Variants in SH2B2 observed in about 807,000 individuals in gnomAD.
SH2B2 encodes the protein SH2B adapter protein 2.
Under a neutral mutation model 35.7 loss-of-function variants are expected in SH2B2, and 37 were observed. The ratio of observed to expected loss-of-function variants is 1.04; its 90% CI spans 0.80 to 1.36. The LOEUF (loss-of-function observed/expected upper bound fraction) is 1.36, where lower values mean the gene tolerates loss of function less well. Ranked by LOEUF, SH2B2 falls within the 40% of genes most tolerant of loss-of-function variation. SH2B2 has a pLI of 0.00. For synonymous variants in SH2B2, 383 were observed against 376.4 expected (o/e 1.02, Z -0.20); for missense variants, 852 against 817.7 (o/e 1.04, Z -0.51).
chr7:102,294,642 C>T lies in SH2B2; in HGVS notation c.-29-5880C>T, dbSNP rs75236306. Among the ~76,000 whole-genome samples the T allele has an allele frequency of 1.1e-3, 164 of 152,230 alleles. 5 individuals are homozygous for T. In the East Asian group the frequency reaches 0.031, roughly 29 times the overall value. On this transcript the variant is annotated intron_variant, in intron 1 of 8. Transcript: ENST00000444095. ...AAGCTCCCTACATGGGGTCTCCTCC[C>T]CAGTTCTGGTCCCAAAGATGGGTGG... is the stretch of plus-strand genomic sequence containing the variant.
At chr7:102,305,649 A>G (rs1302788687) in intron 2 of SH2B2, among the ~76,000 whole-genome samples, 1 of 152,154 alleles carries the variant, frequency 6.6e-6, no homozygotes, top group Non-Finnish European at 1.5e-5. Context: ...TTGTCTGGTG[A>G]GATGTTTGTT....
upstream of SH2B2, among the ~76,000 whole-genome samples, chr7:102,286,443 G>C (rs1280332659): frequency 6.6e-6 from 1 of 152,168 alleles, no homozygotes; most frequent in Non-Finnish European, 1.5e-5. Context: ...GAGGGCGTCC[G>C]CGTCCCATAC....
At chr7:102,299,197 C>CTTTTTTTGTTTTTTTTTTTT (rs1793047832) in intron 1 of SH2B2, among the ~76,000 whole-genome samples, 1 of 24,630 alleles carries the variant, frequency 4.1e-5, no homozygotes, top group African/African-American at 2.0e-4. Context: ...CCGCGCCTGG[C>CTTTTTTTGTTTTTTTTTTTT]TTTTTTTTTT....
In SH2B2 at chr7:102,320,457, G is replaced by A. The variant is rs782780653; in HGVS notation, c.1522G>A (p.Asp508Asn). The change falls in exon 8 of 9, where the codon GAC becomes AAC. Residue 508 changes from aspartate (D) to asparagine (N), a missense_variant. By Grantham distance (23) the Asp-to-Asn change is conservative (BLOSUM62 1). Coordinates refer to ENST00000444095, the MANE Select transcript of SH2B2 (RefSeq NM_001359228.2). ...CCCACTGGAGTCAGGGGGCTCGGCC[G>A]ACATCACCCTTCGCAGCTATGTGCG... ...PIPLESGGSA[D>N]ITLRSYVRAQ... The A allele has an allele frequency of 1.1e-5, 17 of 1,613,532 alleles. No individual in the cohort carries two copies. The highest frequency in any genetic ancestry group is 5.5e-5 in the South Asian group (5 of 91,082).
chr7:102,303,217 C>CA (rs549676263), intron 2 of SH2B2, among the ~76,000 whole-genome samples: 3,805 of 133,348 alleles, frequency 0.029, 133 homozygotes, highest in African/African-American at 0.091. Flanking sequence ...AACTCTGTCT[C>CA]AAAAAAAAAA....
intron 1 of SH2B2, chr7:102,293,290 CCTA>C (rs3215392): frequency 0.16 from 24,141 of 148,082 alleles, 2,440 homozygotes; most frequent in East Asian, 0.27. Context: ...GCCGGCTGGA[CCTA>C]CTGTCTAGCC....
At chr7:102,293,011 G>A (rs1426576569) in intron 1 of SH2B2, 2 of 153,050 alleles carry the variant, frequency 1.3e-5, no homozygotes, top group Admixed American at 6.5e-5. Flanking sequence ...GGAGGAGGTG[G>A]GGGGTGCCAG....
At chr7:102,300,489 C>T (rs1336627504) in intron 1 of SH2B2, 33 bp from the exon 2 acceptor site, 13 of 1,499,832 alleles carry the variant, frequency 8.7e-6, no homozygotes, top group Non-Finnish European at 1.1e-5. Flanking sequence ...GATCACAGGC[C>T]TGAAAGTCAC....
Position 102,306,703 on chromosome 7 carries a change from CCTT to C in SH2B2, c.730-12_730-10del, listed in dbSNP as rs1392154924. ...GGGAAATGCTGGGGCCACTCACTAT[CCTT>C]CTTCTGGCCCCCAGGCCTCCAGGCC... On this transcript the variant is annotated splice_polypyrimidine_tract_variant and intron_variant, in intron 2 of 8. Transcript: ENST00000444095. 10 of 1,553,558 alleles carry C rather than the reference CCTT, an allele frequency of 6.4e-6. No homozygotes were observed. Among genetic ancestry groups the C allele is most frequent in the African/African-American group, 1.4e-5 (1 of 73,468 alleles).
upstream of SH2B2, chr7:102,285,242 C>G (rs1563541155): frequency 1.3e-6 from 2 of 1,551,002 alleles, no homozygotes; most frequent in Non-Finnish European, 8.7e-7. Flanking sequence ...GGAGTTCAGC[C>G]CACTACTCTG....
chr7:102,293,158 G>A (rs1360639518), intron 1 of SH2B2: 2 of 153,020 alleles, frequency 1.3e-5, no homozygotes, highest in Non-Finnish European at 2.9e-5. Flanking sequence ...ACCCGGCCCT[G>A]GGGTGCGGAA....
chr7:102,296,465 C>T (rs1382120468), intron 1 of SH2B2, among the ~76,000 whole-genome samples: 1 of 152,206 alleles, frequency 6.6e-6, no homozygotes, highest in African/African-American at 2.4e-5. Context: ...ACTCCCCAGG[C>T]ACTACATCAC....
In SH2B2 at chr7:102,318,805, C is replaced by T. The variant is rs1274003250; in HGVS notation, c.1395+1410C>T. On this transcript the variant is annotated intron_variant, in intron 7 of 8. Coordinates refer to ENST00000444095, the MANE Select transcript of SH2B2 (RefSeq NM_001359228.2). ...GGGACATTTCCTTGGCAAGCAGCCA[C>T]CCTTACAGTTCCTCCGACAACCAGG... Among the ~76,000 whole-genome samples the T allele has an allele frequency of 4.6e-5, 7 of 152,334 alleles. No homozygotes were observed. In the East Asian group the frequency reaches 1.4e-3, roughly 29 times the overall value.
chr7:102,306,984 C>G (rs1258809152), intron 3 of SH2B2, among the ~76,000 whole-genome samples, 162 bp downstream of exon 3: 2 of 152,218 alleles, frequency 1.3e-5, no homozygotes, highest in Non-Finnish European at 2.9e-5. Flanking sequence ...TGACAGATGC[C>G]TAGCACATAG....
intron 6 of SH2B2, among the ~76,000 whole-genome samples, chr7:102,316,170 A>G (rs1212588433): frequency 1.3e-5 from 2 of 151,638 alleles, no homozygotes; most frequent in African/African-American, 4.9e-5. Context: ...CTAGCTACCC[A>G]GGAGGCTGAG....
At chr7:102,296,806 T>C (rs761751527) in intron 1 of SH2B2, among the ~76,000 whole-genome samples, 5 of 152,146 alleles carry the variant, frequency 3.3e-5, no homozygotes, top group Non-Finnish European at 5.9e-5. Context: ...AGGTCTTCAA[T>C]GTCCGTACAA....
At chr7:102,287,174 T>C (rs1399093769) in intron 1 of SH2B2, 80 bp downstream of exon 1, 2 of 152,046 alleles carry the variant, frequency 1.3e-5, no homozygotes, top group African/African-American at 2.4e-5. Context: ...ACGTGCGCTG[T>C]GTGCGCACCG....
Position 102,293,521 on chromosome 7 carries a change from C to A in SH2B2, c.-30+6427C>A, listed in dbSNP as rs368360609. On this transcript the variant is annotated intron_variant, in intron 1 of 8. Transcript: ENST00000444095. ...GGAGAAGGCAGACAGCCCAGCTGAG[C>A]CTAGAAAAACCGGAGGTGGGGGGGT... Among the ~76,000 whole-genome samples, 12 of 150,804 alleles carry A rather than the reference C, an allele frequency of 8.0e-5. No individual in the cohort carries two copies. In the South Asian group the frequency reaches 2.5e-3, roughly 32 times the overall value.
chr7:102,295,483 A>G (rs1554552392), intron 1 of SH2B2, among the ~76,000 whole-genome samples: 1 of 152,024 alleles, frequency 6.6e-6, no homozygotes, highest in Non-Finnish European at 1.5e-5. Context: ...CCTGGAGGCC[A>G]TGGTGGTGGT....
Sources: allele counts gnomAD v4.1 joint callset (sites outside exome capture counted in the v4.1 genomes callset), GRCh38; gene constraint gnomAD v4.1.1; transcripts MANE v1.5; gene names NCBI Gene and HGNC (gene_info 2026-07-23, HGNC 2026-07-21).